Variants in SEMA3E observed in about 807,000 individuals in gnomAD.
SEMA3E encodes the protein semaphorin 3E, also known as semaphorin-3E.
A neutral mutation model predicts 93.6 loss-of-function variants in SEMA3E; 49 were observed. That is an observed-to-expected ratio of 0.52 (90% CI 0.42 to 0.66). The LOEUF is 0.66. SEMA3E is among the 30% of genes least tolerant of loss of function. SEMA3E has a pLI of 0.00. For synonymous variants in SEMA3E, 363 were observed against 330.7 expected, an observed-to-expected ratio of 1.10 and a Z score of -1.06; for missense variants, 906 against 964.8, an observed-to-expected ratio of 0.94 and a Z score of 0.81.
chr7:83,491,182 G>C (rs943376062), intron 1 of SEMA3E, among the ~76,000 whole-genome samples: 11 of 152,022 alleles, frequency 7.2e-5, no homozygotes, highest in African/African-American at 2.7e-4. Flanking sequence ...CTAAACAAAT[G>C]ATAATATAAA....
chr7:83,640,329 A>G (rs953474745), intron 1 of SEMA3E, among the ~76,000 whole-genome samples: 2 of 152,198 alleles, frequency 1.3e-5, no homozygotes, highest in African/African-American at 4.8e-5. Flanking sequence ...CCAAAAGTGC[A>G]TAGAAATAGG....
intron 1 of SEMA3E, among the ~76,000 whole-genome samples, chr7:83,503,295 T>A (rs1029491182): frequency 6.6e-6 from 1 of 152,114 alleles, no homozygotes; most frequent in African/African-American, 2.4e-5. Context: ...CCATCTCAGA[T>A]TGCAACAGAA....
intron 1 of SEMA3E, among the ~76,000 whole-genome samples, chr7:83,496,506 A>C (rs2115581303): frequency 6.6e-6 from 1 of 152,124 alleles, no homozygotes; most frequent in African/African-American, 2.4e-5. Flanking sequence ...AAATAATTAC[A>C]AATTTTTTTT....
At chr7:83,404,980 C>G (rs73707825) in intron 9 of SEMA3E, among the ~76,000 whole-genome samples, 7,870 of 151,960 alleles carry the variant, frequency 0.052, 335 homozygotes, top group African/African-American at 0.11. Context: ...ATTATCTTGT[C>G]AAAATCAGAC....
intron 1 of SEMA3E, among the ~76,000 whole-genome samples, chr7:83,531,751 G>A (rs7812240): frequency 0.53 from 80,241 of 152,030 alleles, 23,524 homozygotes; most frequent in Middle Eastern, 0.69. Context: ...CCAAGTTAGA[G>A]CAGATACTGA....
chr7:83,456,574 A>G (rs1789482300), intron 4 of SEMA3E, among the ~76,000 whole-genome samples: 1 of 147,450 alleles, frequency 6.8e-6, no homozygotes, highest in African/African-American at 2.6e-5. Flanking sequence ...GTTTTTCTCC[A>G]TATTTCTTTA....
chr7:83,601,499 C>T (rs901490822), intron 1 of SEMA3E, among the ~76,000 whole-genome samples: 2 of 151,994 alleles, frequency 1.3e-5, no homozygotes, highest in African/African-American at 4.8e-5. Flanking sequence ...CACTCTTCCT[C>T]CGTATGTGTT....
intron 16 of SEMA3E, among the ~76,000 whole-genome samples, chr7:83,380,943 T>C (rs139401560): frequency 0.021 from 3,165 of 152,082 alleles, 52 homozygotes; most frequent in Non-Finnish European, 0.031. Flanking sequence ...TGCTACAATG[T>C]GTATGAGGCA....
chr7:83,518,486 TG>T (rs1790979839), intron 1 of SEMA3E, among the ~76,000 whole-genome samples: 2 of 152,110 alleles, frequency 1.3e-5, no homozygotes, highest in African/African-American at 4.8e-5. Context: ...TTCAGTCTAA[TG>T]TGGGTTCATA....
intron 1 of SEMA3E, chr7:83,641,431 T>C: frequency 2.0e-6 from 2 of 978,786 alleles, no homozygotes; most frequent in Non-Finnish European, 2.4e-6. Flanking sequence ...CTGTTTAGTT[T>C]AACTTTAGGC....
At chr7:83,461,602 G>T (rs1392224984) in intron 4 of SEMA3E, among the ~76,000 whole-genome samples, 2 of 152,100 alleles carry the variant, frequency 1.3e-5, no homozygotes, top group African/African-American at 4.8e-5. Context: ...TAAAAATCCA[G>T]CCCAGTTCAT....
At chr7:83,478,450 A>G (rs1005476839) in intron 2 of SEMA3E, among the ~76,000 whole-genome samples, 2 of 152,320 alleles carry the variant, frequency 1.3e-5, no homozygotes, top group East Asian at 3.9e-4. Flanking sequence ...ACAAGTATTC[A>G]TATCTTCCAG....
At chr7:83,387,839 G>GTTATGTTTATATATATATAACA (rs1787911045) in intron 14 of SEMA3E, among the ~76,000 whole-genome samples, 3 of 139,932 alleles carry the variant, frequency 2.1e-5, no homozygotes, top group African/African-American at 8.0e-5. Flanking sequence ...TATATATAAC[G>GTTATGTTTATATATATATAACA]TTATATATAT....
At chr7:83,633,734 G>A (rs1048398986) in intron 1 of SEMA3E, among the ~76,000 whole-genome samples, 3 of 152,064 alleles carry the variant, frequency 2.0e-5, no homozygotes, top group South Asian at 4.2e-4. Flanking sequence ...GCAACCGGCT[G>A]CAGTAGCAGC....
chr7:83,405,203 G>T (rs1227143391), intron 9 of SEMA3E, among the ~76,000 whole-genome samples: 1 of 151,980 alleles, frequency 6.6e-6, no homozygotes, highest in East Asian at 1.9e-4. Context: ...AAGATATCAG[G>T]ATACTGAGCA....
intron 4 of SEMA3E, among the ~76,000 whole-genome samples, chr7:83,433,839 G>C (rs1455054941): frequency 2.0e-5 from 3 of 152,012 alleles, no homozygotes; most frequent in Admixed American, 6.6e-5. Flanking sequence ...TAGCTCTATA[G>C]CTTATCAAAG....
At chr7:83,426,537 G>A (rs1273555873) in intron 4 of SEMA3E, among the ~76,000 whole-genome samples, 1 of 152,088 alleles carries the variant, frequency 6.6e-6, no homozygotes, top group East Asian at 1.9e-4. Context: ...TAGAGGGAGT[G>A]AGGGAGGCAA....
In SEMA3E at chr7:83,617,578, T is replaced by C. The variant is rs532167015; in HGVS notation, c.115+30850A>G. Reference sequence around the variant, plus strand: ...TTTTATATAAATTTTATATAAGTAATATATAATTTTATATAAATTTTATAT... The same window carrying C: ...TTTTATATAAATTTTATATAAGTAACATATAATTTTATATAAATTTTATAT... On this transcript the variant is annotated intron_variant, in intron 1 of 16. Coordinates refer to ENST00000643230, the MANE Select transcript of SEMA3E (RefSeq NM_012431.3). Among the ~76,000 whole-genome samples, 1,407 of 146,274 alleles carry C rather than the reference T, an allele frequency of 9.6e-3. 34 individuals carry two copies. The highest frequency in any genetic ancestry group is 0.033 in the African/African-American group (1,334 of 40,202).
chr7:83,585,819 T>A (rs1270040080), intron 1 of SEMA3E, among the ~76,000 whole-genome samples: 1 of 152,174 alleles, frequency 6.6e-6, no homozygotes, highest in Non-Finnish European at 1.5e-5. Flanking sequence ...AAGCAAAAAC[T>A]CCAACACTGA....
Sources: allele counts gnomAD v4.1 joint callset (sites outside exome capture counted in the v4.1 genomes callset), GRCh38; gene constraint gnomAD v4.1.1; transcripts MANE v1.5; gene names NCBI Gene and HGNC (gene_info 2026-07-23, HGNC 2026-07-21).